FRK: variants seen among roughly 807,000 people sequenced by gnomAD.
The protein encoded by FRK is tyrosine-protein kinase FRK.
FRK carries 51 observed loss-of-function variants against 56.4 expected under a neutral mutation model. The ratio of observed to expected loss-of-function variants is 0.90; its 90% CI spans 0.72 to 1.14. The LOEUF (loss-of-function observed/expected upper bound fraction) is 1.14. Ranked by LOEUF, FRK falls within the 50% of genes most tolerant of loss-of-function variation. The pLI is 0.00. For missense variants in FRK, 570 were observed against 601.4 expected (o/e 0.95, Z 0.55); for synonymous variants, 245 against 217.9 (o/e 1.12, Z -1.10).
chr6:115,945,049 T>C (rs1365577407), intron 5 of FRK, among the ~76,000 whole-genome samples: 5 of 152,144 alleles, frequency 3.3e-5, no homozygotes, highest in African/African-American at 9.7e-5. Context: ...CATGATTTCA[T>C]TTTTTATGGC....
At chr6:116,001,821 C>T (rs867117217) in intron 2 of FRK, among the ~76,000 whole-genome samples, 14 of 151,646 alleles carry the variant, frequency 9.2e-5, no homozygotes, top group Admixed American at 7.9e-4. Flanking sequence ...TCTCTTCTTT[C>T]GAATTCCTTT....
At chr6:115,959,162 T>C (rs1007962796) in intron 4 of FRK, among the ~76,000 whole-genome samples, 3 of 152,244 alleles carry the variant, frequency 2.0e-5, no homozygotes, top group Non-Finnish European at 2.9e-5. Context: ...CTCATCTTTA[T>C]TGCGTAGTAG....
chr6:116,089,767 T>C, the FRK span, among the ~76,000 whole-genome samples: 3 of 152,206 alleles, frequency 2.0e-5, no homozygotes, highest in African/African-American at 4.8e-5. Context: ...AAAGGCCCTA[T>C]CACCAAGTAT....
intron 1 of FRK, among the ~76,000 whole-genome samples, chr6:116,006,044 T>C (rs1038012119): frequency 6.6e-6 from 1 of 152,162 alleles, no homozygotes; most frequent in Non-Finnish European, 1.5e-5. Flanking sequence ...GTTAAAATCT[T>C]CTACACCAAC....
At chr6:115,980,213 A>G (rs986907993) in intron 2 of FRK, among the ~76,000 whole-genome samples, 2 of 152,180 alleles carry the variant, frequency 1.3e-5, no homozygotes, top group African/African-American at 4.8e-5. Context: ...CCAGAAGAGG[A>G]AAAGCAATTT....
At chr6:116,001,821 C>A (rs867117217) in intron 2 of FRK, among the ~76,000 whole-genome samples, 1 of 151,646 alleles carries the variant, frequency 6.6e-6, no homozygotes, top group Non-Finnish European at 1.5e-5. Flanking sequence ...TCTCTTCTTT[C>A]GAATTCCTTT....
At chr6:116,095,562 G>A in the FRK span, among the ~76,000 whole-genome samples, 2 of 152,122 alleles carry the variant, frequency 1.3e-5, no homozygotes, top group Non-Finnish European at 2.9e-5. Context: ...GCCCCTCAAA[G>A]CTCAAGTCCA....
In FRK at chr6:115,988,470, T is replaced by C. The variant is rs549686022; in HGVS notation, c.466+15407A>G. 2.0e-5 allele frequency among the ~76,000 whole-genome samples: 3 copies of C among 152,190 alleles called. No individual in the cohort carries two copies. The South Asian group carries it at 6.2e-4, about 32-fold the overall frequency. ...AATTACTAAAAATGCTTTTAAATTGTACATTTGTTTTCAACTAAAATCAGA... is the reference window on the plus strand; with the variant it reads ...AATTACTAAAAATGCTTTTAAATTGCACATTTGTTTTCAACTAAAATCAGA... On this transcript the variant is annotated intron_variant, in intron 2 of 7. Transcript: ENST00000606080.
chr6:115,987,885 A>C (rs1774451361), intron 2 of FRK, among the ~76,000 whole-genome samples: 1 of 152,102 alleles, frequency 6.6e-6, no homozygotes, highest in South Asian at 2.1e-4. Flanking sequence ...TAATTATGTA[A>C]AAATGAAAGT....
the FRK span, among the ~76,000 whole-genome samples, chr6:116,086,051 G>A: frequency 1.1e-4 from 16 of 151,606 alleles, no homozygotes; most frequent in African/African-American, 3.9e-4. Context: ...TGTCGCCCAG[G>A]CTGGAGTGCA....
chr6:115,950,019 A>T (rs1451398131), intron 5 of FRK, among the ~76,000 whole-genome samples: 1 of 152,226 alleles, frequency 6.6e-6, no homozygotes, highest in Admixed American at 6.5e-5. Context: ...TACACCTTGT[A>T]CAAAAATTAA....
chr6:116,042,732 A>G (rs1776770800), intron 1 of FRK, among the ~76,000 whole-genome samples: 1 of 152,204 alleles, frequency 6.6e-6, no homozygotes, highest in Admixed American at 6.5e-5. Context: ...TTCACACACA[A>G]CAATATTAAC....
In FRK at chr6:115,953,236, C is replaced by T. The variant is rs1233772341; in HGVS notation, c.958+3216G>A. 3.6e-5 allele frequency among the ~76,000 whole-genome samples: 4 copies of T among 111,804 alleles called. No homozygotes were observed. In the East Asian group the frequency reaches 1.2e-3, roughly 34 times the overall value. The allele number at this position is 111,804 out of a possible 152,430, so 73.3% of individuals were successfully genotyped here. On this transcript the variant is annotated intron_variant, in intron 5 of 7. Coordinates refer to ENST00000606080, the MANE Select transcript of FRK (RefSeq NM_002031.3). Reference sequence around the variant, plus strand: ...ACGGAGTCTCGCTCTGTCGCCCAGGCTGGAGTGCAGTGGCGGGATCTCGGC... The same window carrying T: ...ACGGAGTCTCGCTCTGTCGCCCAGGTTGGAGTGCAGTGGCGGGATCTCGGC...
the FRK span, among the ~76,000 whole-genome samples, chr6:116,098,360 T>C: frequency 3.3e-5 from 5 of 152,160 alleles, no homozygotes; most frequent in African/African-American, 1.2e-4. Flanking sequence ...ATCTGCCTAC[T>C]TTGGCCTCCC....
chr6:116,072,028 T>C, the FRK span, among the ~76,000 whole-genome samples: 4 of 152,304 alleles, frequency 2.6e-5, no homozygotes, highest in African/African-American at 9.6e-5. Context: ...GTTGAGGATG[T>C]AGTCATGAAA....
chr6:116,051,736 C>G (rs1213264089), intron 1 of FRK, among the ~76,000 whole-genome samples: 1 of 151,968 alleles, frequency 6.6e-6, no homozygotes, highest in Non-Finnish European at 1.5e-5. Context: ...GCTAAGAACC[C>G]ATATTTAAAA....
intron 1 of FRK, among the ~76,000 whole-genome samples, chr6:116,010,190 G>C (rs1375551992): frequency 6.6e-6 from 1 of 151,714 alleles, no homozygotes; most frequent in Non-Finnish European, 1.5e-5. Flanking sequence ...CCATCGCCTG[G>C]GCAACAGAGT....
chr6:116,047,176 T>C (rs1305620906), intron 1 of FRK, among the ~76,000 whole-genome samples: 1 of 151,996 alleles, frequency 6.6e-6, no homozygotes, highest in East Asian at 1.9e-4. Flanking sequence ...TTCTAATAAA[T>C]TTGGGAAGGC....
the FRK span, among the ~76,000 whole-genome samples, chr6:116,077,934 C>A: frequency 6.6e-6 from 1 of 152,138 alleles, no homozygotes; most frequent in Non-Finnish European, 1.5e-5. Context: ...CCAAGGCAGG[C>A]AGATCACGTG....
Sources: allele counts gnomAD v4.1 joint callset (sites outside exome capture counted in the v4.1 genomes callset), GRCh38; gene constraint gnomAD v4.1.1; transcripts MANE v1.5; gene names NCBI Gene and HGNC (gene_info 2026-07-23, HGNC 2026-07-21).